SBNO1: variants seen among roughly 807,000 people sequenced by gnomAD.
SBNO1 encodes strawberry notch homolog 1.
SBNO1 carries 23 observed loss-of-function variants against 173.6 expected under a neutral mutation model. That is an observed-to-expected ratio of 0.13 (90% CI 0.10 to 0.19). SBNO1 has a LOEUF of 0.19. Ranked by LOEUF, SBNO1 falls within the 10% of genes least tolerant of loss-of-function variation. SBNO1 has a pLI of 1.00. For missense variants in SBNO1, 1,238 were observed against 1,671.2 expected (o/e 0.74, Z 4.52); for synonymous variants, 632 against 571.5 (o/e 1.11, Z -1.51).
chr12:123,302,402 C>A (rs183708323), intron 30 of SBNO1, among the ~76,000 whole-genome samples: 1 of 151,952 alleles, frequency 6.6e-6, no homozygotes, highest in Non-Finnish European at 1.5e-5. Context: ...GCCATCACAC[C>A]GGCTAATTGT....
In SBNO1 at chr12:123,292,166, A is replaced by G. The variant is rs1301274338; in HGVS notation, c.*3742T>C. ...ACCGAAGCCACACAGAAGGGGAGTC[A>G]GTAAATGTCCATCTCCACGGTGTCT... On this transcript the variant is annotated 3_prime_UTR_variant, in exon 32 of 32. Transcript: ENST00000602398. 6.6e-6 allele frequency: 1 copy of G among 152,216 alleles called. No homozygotes were observed. Among genetic ancestry groups the G allele is most frequent in the Non-Finnish European group, 1.5e-5 (1 of 68,050 alleles). 9.4% of individuals were successfully genotyped at this position (152,216 alleles called of 1,614,324 possible).
Position 123,313,664 on chromosome 12 carries a change from G to C in SBNO1, c.3176C>G (p.Pro1059Arg). Reference sequence around the variant, plus strand: ...ATAGTCTGGAGGTGGTGATACCATAGGAGAATCCAAGTTTACAATGGATTT... The same window carrying C: ...ATAGTCTGGAGGTGGTGATACCATACGAGAATCCAAGTTTACAATGGATTT... ...VMKSIVNLDS[P>R]MVSPPPDYPG... is the part of the protein sequence containing the mutation. The change falls in exon 24 of 32, where the codon CCT becomes CGT. Residue 1059 changes from proline to arginine, a missense_variant. By Grantham distance (103) the Pro-to-Arg change is moderately radical. This residue lies in a region of SBNO1 where 351 missense variants were observed against 420.3 expected (regional missense o/e 0.84). Transcript: ENST00000602398. The C allele has an allele frequency of 6.2e-7, 1 of 1,609,082 alleles. No homozygotes were observed. Among genetic ancestry groups the C allele is most frequent in the Non-Finnish European group, 8.5e-7 (1 of 1,176,104 alleles).
rs886262380 is a variant in SBNO1, at chr12:123,345,467, T to C, written c.341A>G (p.Asn114Ser). 4 of 1,614,092 alleles carry C rather than the reference T, an allele frequency of 2.5e-6. No homozygotes were observed. The highest frequency in any genetic ancestry group is 1.7e-5 in the Admixed American group (1 of 59,998). Residue 114 changes from asparagine to serine, a missense_variant, in exon 4 of 32, where the codon AAC (asparagine) becomes AGC (serine). Asn to Ser is a conservative substitution (Grantham distance 46). Coordinates refer to ENST00000602398, the MANE Select transcript of SBNO1 (RefSeq NM_001167856.3). ...VMTKTPPVTT[N>S]RQTITLTKFI... ...CTTAGTTAAAGTGATGGTTTGCCTG[T>C]TGGTTGTTACAGGTGGTGTTTTAGT...
intron 5 of SBNO1, among the ~76,000 whole-genome samples, 192 bp downstream of exon 5, chr12:123,340,796 G>A (rs1294890119): frequency 6.6e-6 from 1 of 152,038 alleles, no homozygotes; most frequent in African/African-American, 2.4e-5. Context: ...CCATCAATCT[G>A]CAAGTTTTAA....
intron 1 of SBNO1, 109 bp from the exon 2 acceptor site, chr12:123,350,550 T>A: frequency 5.8e-6 from 5 of 869,306 alleles, no homozygotes; most frequent in Non-Finnish European, 7.4e-6. Context: ...ATTCATTCAG[T>A]ATTAATGAAG....
chr12:123,347,971 T>C, intron 3 of SBNO1, 58 bp downstream of exon 3: 1 of 1,100,744 alleles, frequency 9.1e-7, no homozygotes, highest in Non-Finnish European at 1.4e-6. Flanking sequence ...CCGGCCATGT[T>C]TTCTCACTAC....
At position 123,341,097 on chromosome 12, in the gene SBNO1, GA is replaced by G; in HGVS notation, c.551-10del. ...ACCATTGCTTACATCAGCTGAGGAG[GA>G]AAAAGTCAAATTACATTTAGAAGAA... On this transcript the variant is annotated splice_polypyrimidine_tract_variant and intron_variant, in intron 4 of 31. Coordinates refer to ENST00000602398, the MANE Select transcript of SBNO1 (RefSeq NM_001167856.3). 1 of 1,440,116 alleles carries G rather than the reference GA, an allele frequency of 6.9e-7. No homozygotes were observed. The highest frequency in any genetic ancestry group is 9.5e-7 in the Non-Finnish European group (1 of 1,056,056). 89.2% of individuals were successfully genotyped at this position (1,440,116 alleles called of 1,614,324 possible). A position where few individuals can be genotyped will look rare whatever the true frequency, so the allele number is the denominator to read the frequency against.
intron 1 of SBNO1, among the ~76,000 whole-genome samples, chr12:123,361,186 G>C (rs1268647067): frequency 6.6e-6 from 1 of 152,134 alleles, no homozygotes; most frequent in Non-Finnish European, 1.5e-5. Context: ...GGAGGTTGCA[G>C]TGAGCAGAGA....
intron 5 of SBNO1, 48 bp downstream of exon 5, chr12:123,340,940 A>C: frequency 1.8e-6 from 2 of 1,133,570 alleles, no homozygotes; most frequent in Non-Finnish European, 2.6e-6. Flanking sequence ...TTAGTTGAGT[A>C]CACTCTCATA....
chr12:123,362,139 CA>C (rs1278371090), intron 1 of SBNO1, among the ~76,000 whole-genome samples: 10 of 128,792 alleles, frequency 7.8e-5, no homozygotes, highest in Non-Finnish European at 4.9e-5. Flanking sequence ...GACTCCACCT[CA>C]AAAAAAAAAG....
intron 24 of SBNO1, among the ~76,000 whole-genome samples, chr12:123,311,488 C>A (rs1291889271): frequency 6.6e-6 from 1 of 152,052 alleles, no homozygotes; most frequent in Non-Finnish European, 1.5e-5. Flanking sequence ...ATTCTCCTGC[C>A]TCAGTCTCCT....
rs780104622 is a variant in SBNO1, at chr12:123,327,768, T to C, written c.1477A>G (p.Ile493Val). Reference sequence around the variant, plus strand: ...CTAAATGGAGTACCCTCACCCCATATGCCAAGACGGTTCATATAGGCCATG... The same window carrying C: ...CTAAATGGAGTACCCTCACCCCATACGCCAAGACGGTTCATATAGGCCATG... Reference protein sequence around the residue: ...RNMAYMNRLGIWGEGTPFREF... With the variant: ...RNMAYMNRLGVWGEGTPFREF... Residue 493 changes from isoleucine (I) to valine (V), a missense_variant, in exon 12 of 32, where the codon ATA becomes GTA. Transcript: ENST00000602398. 4.3e-6 allele frequency: 7 copies of C among 1,614,042 alleles called. No homozygotes were observed. Among genetic ancestry groups the C allele is most frequent in the East Asian group, 2.2e-5 (1 of 44,866 alleles).
intron 16 of SBNO1, among the ~76,000 whole-genome samples, chr12:123,322,592 C>T (rs899349372): frequency 6.6e-6 from 1 of 151,946 alleles, no homozygotes; most frequent in African/African-American, 2.4e-5. Flanking sequence ...CCACTGTGCC[C>T]GGCGAGAAGT....
rs765233983 is a variant in SBNO1 at position 123,320,513 on chromosome 12, T to C, written c.2586A>G (p.Leu862=). 1 of 1,614,164 alleles carries C rather than the reference T, an allele frequency of 6.2e-7. No homozygotes were observed. Among genetic ancestry groups the C allele is most frequent in the East Asian group, 2.2e-5 (1 of 44,880 alleles). The change falls in exon 19 of 32, where the codon CTA becomes CTG. Residue 862 remains leucine (L), a synonymous_variant. Transcript: ENST00000602398. ...GGGGGAGGTCTTCAGCTAATTTTTC[T>C]AGCTTATCAAGCAGGTCTTTCTTCA... ...QQMKKDLLDK[L]EKLAEDLPPN... is the part of the protein sequence containing the mutation.
rs140801858 is a variant in SBNO1, at chr12:123,336,433, C to A, written c.710G>T (p.Gly237Val). The A allele has an allele frequency of 2.2e-4, 352 of 1,612,330 alleles. 2 individuals carry two copies. Among genetic ancestry groups the A allele is most frequent in the Admixed American group, 1.3e-4 (8 of 59,816 alleles). The change falls in exon 6 of 32, where the codon GGT (glycine) becomes GTT (valine). Residue 237 changes from glycine to valine, a missense_variant. Coordinates refer to ENST00000602398, the MANE Select transcript of SBNO1 (RefSeq NM_001167856.3). ...GTATTCTGCATAGGTTTCTGCATGA[C>A]CCATTTCTTCTTCATCTTCTTCCTC... ...EPEEEDEEEM[G>V]HAETYAEYMP...
chr12:123,304,256 C>T (rs147679564), intron 29 of SBNO1, among the ~76,000 whole-genome samples: 256 of 151,062 alleles, frequency 1.7e-3, no homozygotes, highest in African/African-American at 6.0e-3. Context: ...TTTTTTGAGA[C>T]GAAGTTTCGC....
chr12:123,341,011 T>A lies in SBNO1; in HGVS notation c.628A>T (p.Met210Leu). Residue 210 changes from methionine to leucine, a missense_variant, in exon 5 of 32, where the codon ATG (methionine) becomes TTG (leucine). Transcript: ENST00000602398. ...ACCATGGTTGGGGAAAAACTCCTCA[T>A]CTTCATGTCGTTTATCCACATTCTA... ...GARMWINDMKMRSFSPTMKVP... is the reference protein window; with the variant it reads ...GARMWINDMKLRSFSPTMKVP... The A allele has an allele frequency of 6.3e-7, 1 of 1,599,100 alleles. No homozygotes were observed. Among genetic ancestry groups the A allele is most frequent in the Non-Finnish European group, 8.5e-7 (1 of 1,169,820 alleles).
chr12:123,347,952 T>C, intron 3 of SBNO1, 77 bp downstream of exon 3: 2 of 849,874 alleles, frequency 2.4e-6, no homozygotes, highest in Admixed American at 4.0e-5. Flanking sequence ...CAGGTGCGAA[T>C]CACCACACCC....
intron 4 of SBNO1, among the ~76,000 whole-genome samples, chr12:123,343,168 G>A (rs146206592): frequency 6.6e-6 from 1 of 152,246 alleles, no homozygotes; most frequent in Non-Finnish European, 1.5e-5. Flanking sequence ...AAGTGGCAGG[G>A]GTTGCAGGAA....
Sources: allele counts gnomAD v4.1 joint callset (sites outside exome capture counted in the v4.1 genomes callset), GRCh38; gene constraint gnomAD v4.1.1; regional missense constraint gnomAD v4.1.1; transcripts MANE v1.5; gene names NCBI Gene and HGNC (gene_info 2026-07-23, HGNC 2026-07-21).